The following SGPL1 variants were observed in gnomAD, a reference collection of about 807,000 sequenced individuals.
The protein encoded by SGPL1 is sphingosine-1-phosphate lyase 1.
In SGPL1, 37 loss-of-function variants were observed where a neutral mutation model predicts 68.9. That is an observed-to-expected ratio of 0.54 (90% CI 0.41 to 0.71). SGPL1 has a LOEUF of 0.71. SGPL1 is among the 30% of genes least tolerant of loss of function. SGPL1 has a pLI of 0.00. For synonymous variants in SGPL1, 236 were observed against 248.5 expected (o/e 0.95, Z 0.47); for missense variants, 551 against 704.6 (o/e 0.78, Z 2.47).
chr10:70,868,310 C>A, intron 7 of SGPL1, 35 bp from the exon 8 acceptor site: 7 of 1,474,530 alleles, frequency 4.7e-6, no homozygotes, highest in Non-Finnish European at 5.6e-6. Flanking sequence ...GCATTCCTGA[C>A]TCCCCCAACA....
chr10:70,822,924 C>A (rs1199168671), intron 2 of SGPL1, among the ~76,000 whole-genome samples: 1 of 150,532 alleles, frequency 6.6e-6, no homozygotes. Flanking sequence ...TAAAGATAAT[C>A]TTCATCTCAA....
At chr10:70,850,061 G>A (rs1845854093) in intron 3 of SGPL1, among the ~76,000 whole-genome samples, 1 of 152,170 alleles carries the variant, frequency 6.6e-6, no homozygotes, top group South Asian at 2.1e-4. Context: ...GCATCAGAAG[G>A]TCTATTAGTC....
chr10:70,868,003 A>G (rs950633271), intron 7 of SGPL1, among the ~76,000 whole-genome samples: 50 of 152,334 alleles, frequency 3.3e-4, no homozygotes, highest in Middle Eastern at 6.8e-3. Context: ...TAAAATTCTG[A>G]TATTTTTGAA....
chr10:70,832,984 G>A (rs1422297572), intron 2 of SGPL1, among the ~76,000 whole-genome samples: 1 of 152,190 alleles, frequency 6.6e-6, no homozygotes, highest in Non-Finnish European at 1.5e-5. Flanking sequence ...AACAGAATCA[G>A]CATCTCCCTT....
chr10:70,877,220 C>A lies in SGPL1; in HGVS notation c.1592C>A (p.Thr531Lys). The A allele has an allele frequency of 6.2e-7, 1 of 1,614,198 alleles. No homozygotes were observed. The highest frequency in any genetic ancestry group is 8.5e-7 in the Non-Finnish European group (1 of 1,180,008). Residue 531 changes from threonine (T) to lysine (K), a missense_variant, in exon 15 of 15, where the codon ACA becomes AAA. Thr to Lys is a moderately conservative substitution (Grantham distance 78). Coordinates refer to ENST00000373202, the MANE Select transcript of SGPL1 (RefSeq NM_003901.4). The stretch of plus-strand genomic sequence containing the variant: ...GGTGCCATCTATGGCATGGCCCAGA[C>A]AACTGTTGACAGGAATATGGTTGCA... ...GMGAIYGMAQTTVDRNMVAEL... is the reference protein window; with the variant it reads ...GMGAIYGMAQKTVDRNMVAEL...
chr10:70,845,023 C>G (rs967071164), intron 3 of SGPL1, among the ~76,000 whole-genome samples: 40 of 152,134 alleles, frequency 2.6e-4, no homozygotes, highest in African/African-American at 9.7e-4. Context: ...CAAGCGTGAG[C>G]CACCGTGCCC....
chr10:70,821,556 A>G (rs1163484886), intron 2 of SGPL1, among the ~76,000 whole-genome samples: 1 of 152,110 alleles, frequency 6.6e-6, no homozygotes, highest in Non-Finnish European at 1.5e-5. Context: ...TCTGGGTGAC[A>G]TTTGACAATG....
At chr10:70,867,456 G>A (rs1290885204) in intron 7 of SGPL1, among the ~76,000 whole-genome samples, 3 of 152,066 alleles carry the variant, frequency 2.0e-5, no homozygotes, top group South Asian at 2.1e-4. Context: ...CGAGCTACTC[G>A]GGTAACTATG....
chr10:70,878,649 G>A lies in SGPL1; in HGVS notation c.*1314G>A, dbSNP rs2131957147. ...GTAATGAAAATGTGTTTGCTTGAAG[G>A]AACAGCTCAAAGCACCTTCACAAGT... On this transcript the variant is annotated 3_prime_UTR_variant, in exon 15 of 15. Coordinates refer to ENST00000373202, the MANE Select transcript of SGPL1 (RefSeq NM_003901.4). The A allele has an allele frequency of 6.6e-6, 1 of 152,340 alleles. No homozygotes were observed. Among genetic ancestry groups the A allele is most frequent in the East Asian group, 1.9e-4 (1 of 5,174 alleles). 9.4% of individuals were successfully genotyped at this position (152,340 alleles called of 1,614,324 possible). A position where few individuals can be genotyped will look rare whatever the true frequency, so the allele number is the denominator to read the frequency against.
chr10:70,837,054 T>C (rs1421718370), intron 2 of SGPL1, among the ~76,000 whole-genome samples: 1 of 151,744 alleles, frequency 6.6e-6, no homozygotes, highest in East Asian at 1.9e-4. Context: ...AATTTATTTT[T>C]AAAATTTTAA....
intron 7 of SGPL1, among the ~76,000 whole-genome samples, chr10:70,864,610 T>A (rs11597890): frequency 0.054 from 8,271 of 152,300 alleles, 275 homozygotes; most frequent in Non-Finnish European, 0.063. Context: ...TATTTTCCTA[T>A]AGTGAGAAAG....
Position 70,832,308 on chromosome 10 carries a change from G to A in SGPL1, c.28-12165G>A, listed in dbSNP as rs75162728. ...TGCTTATTCTTTTGAGCAGGCTTAC[G>A]TGTTGGAAATCTCTAGAGAAATAGC... On this transcript the variant is annotated intron_variant, in intron 2 of 14. Transcript: ENST00000373202. Among the ~76,000 whole-genome samples, 101 of 152,266 alleles carry A rather than the reference G, an allele frequency of 6.6e-4. No homozygotes were observed. The East Asian group carries it at 0.016, about 24-fold the overall frequency.
At position 70,873,552 on chromosome 10, in the gene SGPL1, A is replaced by G. The variant is rs147607292; in HGVS notation, c.1261A>G (p.Lys421Glu). 1.1e-5 allele frequency: 18 copies of G among 1,614,058 alleles called. No individual in the cohort carries two copies. Among genetic ancestry groups the G allele is most frequent in the Non-Finnish European group, 1.5e-5 (18 of 1,179,966 alleles). The part of the protein sequence containing the change: ...FGENGYVEAT[K>E]QIIKTARFLK... ...TGAGAACGGCTATGTTGAAGCTACC[A>G]AACAGATCATCAAAACTGCTCGCTT... The change falls in exon 12 of 15, where the codon AAA (lysine) becomes GAA (glutamate). Residue 421 changes from lysine (K) to glutamate (E), a missense_variant. By Grantham distance (56) the Lys-to-Glu change is moderately conservative (BLOSUM62 1). Transcript: ENST00000373202.
chr10:70,864,846 C>T (rs1846150885), intron 7 of SGPL1, among the ~76,000 whole-genome samples: 1 of 152,210 alleles, frequency 6.6e-6, no homozygotes, highest in Admixed American at 6.5e-5. Flanking sequence ...AAGCTTTGTT[C>T]TATCTGTATT....
chr10:70,827,418 G>A (rs1412987552), intron 2 of SGPL1, among the ~76,000 whole-genome samples: 1 of 152,042 alleles, frequency 6.6e-6, no homozygotes, highest in African/African-American at 2.4e-5. Flanking sequence ...TTTGTTACTA[G>A]GTGCATTCAG....
At chr10:70,848,854 G>A (rs1334622923) in intron 3 of SGPL1, among the ~76,000 whole-genome samples, 1 of 152,102 alleles carries the variant, frequency 6.6e-6, no homozygotes, top group Non-Finnish European at 1.5e-5. Flanking sequence ...ATGTCACCAT[G>A]ATCTCTTGAA....
chr10:70,851,254 C>CAT (rs1564624844), intron 4 of SGPL1, 44 bp downstream of exon 4: 1 of 1,438,352 alleles, frequency 7.0e-7, no homozygotes, highest in Admixed American at 1.7e-5. Context: ...TCTTGATAAT[C>CAT]ATACCTCTTT....
intron 13 of SGPL1, 89 bp downstream of exon 13, chr10:70,875,637 C>A: frequency 1.0e-6 from 1 of 1,001,454 alleles, no homozygotes; most frequent in Non-Finnish European, 1.5e-6. Flanking sequence ...TAGAGTTTGA[C>A]TGCTAGAGGC....
intron 7 of SGPL1, among the ~76,000 whole-genome samples, chr10:70,864,947 C>CAG (rs1846152766): frequency 1.3e-5 from 2 of 152,186 alleles, no homozygotes; most frequent in African/African-American, 2.4e-5. Context: ...CCTTTGAGCT[C>CAG]TGATTATTTA....
Sources: gnomAD v4.1 joint callset for allele counts (sites outside exome capture counted in the v4.1 genomes callset) on GRCh38, gnomAD v4.1.1 for gene constraint, MANE v1.5 for transcripts, NCBI Gene and HGNC (gene_info 2026-07-23, HGNC 2026-07-21) for gene names.